Variants in TEX9 observed in about 807,000 individuals in gnomAD.
The protein encoded by TEX9 is testis expressed 9.
TEX9 carries 74 observed loss-of-function variants against 59.6 expected under a neutral mutation model. The observed-to-expected ratio is 1.24, with a 90% CI of 1.03 to 1.51. The LOEUF (loss-of-function observed/expected upper bound fraction) is 1.51, where lower values mean the gene tolerates loss of function less well. TEX9 is among the 40% of genes most tolerant of loss of function. TEX9 has a pLI of 0.00. For missense variants in TEX9, 522 were observed against 447.8 expected (o/e 1.17, Z -1.49); for synonymous variants, 186 against 152.2 (o/e 1.22, Z -1.64).
chr15:56,400,910 C>T (rs559088816), intron 9 of TEX9, among the ~76,000 whole-genome samples: 1 of 152,118 alleles, frequency 6.6e-6, no homozygotes, highest in East Asian at 1.9e-4. Context: ...AAATAAAATC[C>T]TTTACAGACA....
intron 10 of TEX9, among the ~76,000 whole-genome samples, chr15:56,416,006 T>C (rs2049666575): frequency 6.6e-6 from 1 of 151,876 alleles, no homozygotes; most frequent in South Asian, 2.1e-4. Flanking sequence ...GGGATTGCTT[T>C]TCTGATTTGG....
At chr15:56,357,932 G>T (rs2046714044) in intron 1 of TEX9, among the ~76,000 whole-genome samples, 1 of 152,034 alleles carries the variant, frequency 6.6e-6, no homozygotes, top group African/African-American at 2.4e-5. Flanking sequence ...TGCACTTATG[G>T]TGACTTGCTT....
chr15:56,295,363 A>G (rs2045193424), intron 1 of TEX9, among the ~76,000 whole-genome samples: 1 of 152,228 alleles, frequency 6.6e-6, no homozygotes, highest in Admixed American at 6.5e-5. Flanking sequence ...GGTTTTAAAA[A>G]AATAACTCAC....
chr15:56,290,735 G>A (rs1169017987), intron 1 of TEX9, among the ~76,000 whole-genome samples: 1 of 151,662 alleles, frequency 6.6e-6, no homozygotes. Flanking sequence ...AATTACAGAC[G>A]TGAGCCACTA....
intron 3 of TEX9, among the ~76,000 whole-genome samples, chr15:56,380,878 T>C (rs1304663932): frequency 6.6e-6 from 1 of 152,196 alleles, no homozygotes; most frequent in Non-Finnish European, 1.5e-5. Context: ...GGGAGTTTGA[T>C]TATTAAATGC....
intron 1 of TEX9, among the ~76,000 whole-genome samples, chr15:56,291,666 A>G (rs550393395): frequency 6.6e-6 from 1 of 152,260 alleles, no homozygotes; most frequent in South Asian, 2.1e-4. Context: ...TCTAACTGAA[A>G]TTTTGTATCC....
chr15:56,405,319 A>G (rs11633374), intron 9 of TEX9, among the ~76,000 whole-genome samples: 51,541 of 150,404 alleles, frequency 0.34, 10,372 homozygotes, highest in Non-Finnish European at 0.45. Flanking sequence ...AGAAAAAAAA[A>G]AAAAAAAAAG....
At chr15:56,368,554 C>T (rs1333558022) in intron 2 of TEX9, among the ~76,000 whole-genome samples, 5 of 151,960 alleles carry the variant, frequency 3.3e-5, no homozygotes, top group African/African-American at 4.8e-5. Flanking sequence ...TTCTTTTATT[C>T]AAGGGGATTC....
intron 9 of TEX9, among the ~76,000 whole-genome samples, chr15:56,406,263 C>T (rs2049074025): frequency 6.6e-6 from 1 of 152,020 alleles, no homozygotes; most frequent in Non-Finnish European, 1.5e-5. Context: ...TTTTAAGGTT[C>T]ATCAATGTTT....
chr15:56,458,478 A>G, the TEX9 span, among the ~76,000 whole-genome samples: 5 of 152,146 alleles, frequency 3.3e-5, no homozygotes, highest in Admixed American at 6.5e-5. Context: ...ATTATCACGC[A>G]AAGTCCATAG....
At chr15:56,452,140 G>C in the TEX9 span, among the ~76,000 whole-genome samples, 13 of 152,198 alleles carry the variant, frequency 8.5e-5, no homozygotes, top group African/African-American at 3.1e-4. Context: ...GGGTTCCCAA[G>C]ACCACCATCA....
chr15:56,327,712 T>G (rs554869212), intron 1 of TEX9, among the ~76,000 whole-genome samples: 4 of 152,088 alleles, frequency 2.6e-5, no homozygotes, highest in Non-Finnish European at 5.9e-5. Context: ...ATTGCAGCGA[T>G]TGCAGAACTT....
At chr15:56,455,529 A>C in the TEX9 span, among the ~76,000 whole-genome samples, 1 of 152,172 alleles carries the variant, frequency 6.6e-6, no homozygotes, top group African/African-American at 2.4e-5. Context: ...CTGCTCAATT[A>C]AGATAAAATG....
chr15:56,373,608 G>A, intron 3 of TEX9, 104 bp downstream of exon 3: 2 of 870,944 alleles, frequency 2.3e-6, no homozygotes, highest in Non-Finnish European at 3.3e-6. Context: ...AAGCATGTGT[G>A]TTCAGTTCAA....
intron 12 of TEX9, chr15:56,444,344 T>C (rs1161717472): frequency 2.2e-6 from 2 of 918,924 alleles, no homozygotes; most frequent in Non-Finnish European, 3.2e-6. Context: ...GCACTTACTA[T>C]GTATTAGGCA....
intron 9 of TEX9, among the ~76,000 whole-genome samples, chr15:56,407,234 G>A (rs2049123712): frequency 6.6e-6 from 1 of 152,102 alleles, no homozygotes; most frequent in Non-Finnish European, 1.5e-5. Context: ...CACCAGTGAA[G>A]GAAATGAATT....
chr15:56,353,144 A>G (rs142028382), intron 1 of TEX9, among the ~76,000 whole-genome samples: 79 of 152,310 alleles, frequency 5.2e-4, no homozygotes, highest in African/African-American at 1.8e-3. Context: ...CTAGGATGTC[A>G]ATACCATGAC....
intron 1 of TEX9, among the ~76,000 whole-genome samples, chr15:56,319,103 A>C (rs574143755): frequency 6.6e-6 from 1 of 152,168 alleles, no homozygotes; most frequent in South Asian, 2.1e-4. Context: ...AAGTTTCACA[A>C]GTGAAATTTT....
chr15:56,401,358 C>A (rs11071266), intron 9 of TEX9, among the ~76,000 whole-genome samples: 5 of 143,914 alleles, frequency 3.5e-5, no homozygotes, highest in Admixed American at 1.4e-4. Context: ...TAGCCTCTGA[C>A]AAAACAGACT....
Sources: allele counts gnomAD v4.1 joint callset (sites outside exome capture counted in the v4.1 genomes callset), GRCh38; gene constraint gnomAD v4.1.1; transcripts MANE v1.5; gene names NCBI Gene and HGNC (gene_info 2026-07-23, HGNC 2026-07-21).